ACVR2A: variants seen among roughly 807,000 people sequenced by gnomAD.
ACVR2A encodes the protein activin A receptor type 2A.
Under a neutral mutation model 61.4 loss-of-function variants are expected in ACVR2A, and 7 were observed. The observed-to-expected ratio is 0.11, with a 90% CI of 0.06 to 0.21. The LOEUF is 0.21. Among genes scored for constraint, ACVR2A ranks in the 10% least tolerant of loss-of-function variants. The probability of loss-of-function intolerance (pLI) is 1.00; values close to 1 mark genes in which losing one functional copy is unlikely to be tolerated. For missense variants in ACVR2A, 322 were observed against 621.7 expected, an observed-to-expected ratio of 0.52 and a Z score of 5.13; for synonymous variants, 193 against 208.3, an observed-to-expected ratio of 0.93 and a Z score of 0.63.
In ACVR2A at chr2:147,899,793, C is replaced by T; in HGVS notation, c.423C>T (p.Leu141=). 1 of 1,613,822 alleles carries T rather than the reference C, an allele frequency of 6.2e-7. No homozygotes were observed. Among genetic ancestry groups the T allele is most frequent in the Non-Finnish European group, 8.5e-7 (1 of 1,179,774 alleles). The change falls in exon 4 of 11, where the codon CTC becomes CTT. Residue 141 remains leucine, a synonymous_variant. Transcript: ENST00000241416. ...AGCCACCCTATTACAACATCCTGCTCTATTCCTTGGTGCCACTTATGTTAA... is the reference window on the plus strand; with the variant it reads ...AGCCACCCTATTACAACATCCTGCTTTATTCCTTGGTGCCACTTATGTTAA... The part of the protein sequence containing the change: ...TPKPPYYNIL[L]YSLVPLMLIA...
At chr2:147,924,133 G>A (rs1687447822) in intron 9 of ACVR2A, among the ~76,000 whole-genome samples, 2 of 152,170 alleles carry the variant, frequency 1.3e-5, no homozygotes, top group South Asian at 2.1e-4. Context: ...TTAGGAAGAA[G>A]CGTTAAGAAC....
chr2:147,877,196 G>A (rs1419261325), intron 1 of ACVR2A, among the ~76,000 whole-genome samples: 3 of 151,992 alleles, frequency 2.0e-5, no homozygotes, highest in Admixed American at 6.6e-5. Context: ...ATCTTTCAGT[G>A]GCCCACTAGT....
intron 1 of ACVR2A, among the ~76,000 whole-genome samples, chr2:147,885,760 T>A (rs999904335): frequency 1.3e-4 from 20 of 152,136 alleles, no homozygotes; most frequent in Non-Finnish European, 2.6e-4. Context: ...GTAGGTAAAG[T>A]TTGAATAAAG....
At chr2:147,920,047 C>T (rs557738591) in intron 7 of ACVR2A, among the ~76,000 whole-genome samples, 183 bp from the exon 8 acceptor site, 1 of 152,192 alleles carries the variant, frequency 6.6e-6, no homozygotes, top group East Asian at 1.9e-4. Context: ...GGGTTTGTCA[C>T]CGTGCTCTTG....
chr2:147,862,730 C>G (rs1364867358), intron 1 of ACVR2A, among the ~76,000 whole-genome samples: 1 of 148,922 alleles, frequency 6.7e-6, no homozygotes, highest in East Asian at 2.0e-4. Context: ...GGTGACAGAG[C>G]GAGACTCTGT....
chr2:147,896,599 C>T, intron 2 of ACVR2A, 91 bp downstream of exon 2: 1 of 1,238,266 alleles, frequency 8.1e-7, no homozygotes, highest in Non-Finnish European at 1.1e-6. Flanking sequence ...CATAAATTTT[C>T]ACTTAAATGT....
Position 147,924,298 on chromosome 2 carries a change from GAGACACA to G in ACVR2A, c.1216+1192_1216+1198del, listed in dbSNP as rs1307896543. ...CAAATCATTGGATTAAGTAATTTAG[GAGACACA>G]AGACCTTATTCTCAAGTAATATACA... On this transcript the variant is annotated intron_variant, in intron 9 of 10. Coordinates refer to ENST00000241416, the MANE Select transcript of ACVR2A (RefSeq NM_001616.5). 6.6e-5 allele frequency among the ~76,000 whole-genome samples: 10 copies of G among 152,056 alleles called. No individual in the cohort carries two copies. The East Asian group carries it at 1.4e-3, about 21-fold the overall frequency.
At chr2:147,905,974 C>A (rs1686980304) in intron 4 of ACVR2A, among the ~76,000 whole-genome samples, 1 of 152,206 alleles carries the variant, frequency 6.6e-6, no homozygotes, top group Non-Finnish European at 1.5e-5. Context: ...ATTTTGAAAT[C>A]TTGAGTTCAG....
intron 4 of ACVR2A, among the ~76,000 whole-genome samples, chr2:147,903,553 T>C (rs1686920485): frequency 6.6e-6 from 1 of 152,002 alleles, no homozygotes; most frequent in Non-Finnish European, 1.5e-5. Flanking sequence ...GTGCTTAAAA[T>C]ATGTGTGGGC....
chr2:147,846,569 G>C lies in ACVR2A; in HGVS notation c.55+1362G>C, dbSNP rs540349377. ...GGTGGGCTGAATGTGTTGTGAAATGGCGATCATTGCCAGAGATTAACCAAA... is the reference window on the plus strand; with the variant it reads ...GGTGGGCTGAATGTGTTGTGAAATGCCGATCATTGCCAGAGATTAACCAAA... On this transcript the variant is annotated intron_variant, in intron 1 of 10. Coordinates refer to ENST00000241416, the MANE Select transcript of ACVR2A (RefSeq NM_001616.5). Among the ~76,000 whole-genome samples, 4 of 152,188 alleles carry C rather than the reference G, an allele frequency of 2.6e-5. No individual in the cohort carries two copies. In the East Asian group the frequency reaches 7.7e-4, roughly 29 times the overall value.
intron 1 of ACVR2A, among the ~76,000 whole-genome samples, chr2:147,881,152 T>C (rs962844300): frequency 6.6e-6 from 1 of 152,216 alleles, no homozygotes; most frequent in Non-Finnish European, 1.5e-5. Context: ...AGCAAAGCAG[T>C]CCTAAATGTG....
In ACVR2A at chr2:147,928,822, A is replaced by G. The variant is rs1687571977; in HGVS notation, c.*1548A>G. The stretch of plus-strand genomic sequence containing the variant: ...ATACAGGCCAAAAAGTAAAACATTA[A>G]TTTTCTGAATTTCCAGATTACCAAT... On this transcript the variant is annotated 3_prime_UTR_variant, in exon 11 of 11. Coordinates refer to ENST00000241416, the MANE Select transcript of ACVR2A (RefSeq NM_001616.5). The G allele has an allele frequency of 6.6e-6, 1 of 152,358 alleles. No homozygotes were observed. Among genetic ancestry groups the G allele is most frequent in the South Asian group, 2.1e-4 (1 of 4,824 alleles). 9.4% of individuals were successfully genotyped at this position (152,358 alleles called of 1,614,324 possible).
chr2:147,888,125 G>A (rs1392422148), intron 1 of ACVR2A, among the ~76,000 whole-genome samples: 2 of 152,102 alleles, frequency 1.3e-5, no homozygotes, highest in Non-Finnish European at 2.9e-5. Flanking sequence ...CGAATTAGAC[G>A]TGTTTGTATG....
At chr2:147,897,897 A>G (rs1686779815) in intron 2 of ACVR2A, among the ~76,000 whole-genome samples, 1 of 152,204 alleles carries the variant, frequency 6.6e-6, no homozygotes, top group African/African-American at 2.4e-5. Context: ...ATGTGCTGTT[A>G]CGAAAGGTAC....
intron 1 of ACVR2A, among the ~76,000 whole-genome samples, chr2:147,884,300 G>A (rs951930073): frequency 4.6e-5 from 7 of 152,054 alleles, no homozygotes; most frequent in Non-Finnish European, 5.9e-5. Context: ...GTTAAAACTT[G>A]TATTTACTTG....
At chr2:147,854,860 T>A (rs1000316081) in intron 1 of ACVR2A, among the ~76,000 whole-genome samples, 2 of 152,056 alleles carry the variant, frequency 1.3e-5, no homozygotes, top group African/African-American at 4.8e-5. Context: ...TTATCACATA[T>A]CACATCTGTT....
intron 1 of ACVR2A, among the ~76,000 whole-genome samples, chr2:147,862,707 G>A (rs1387947751): frequency 1.3e-5 from 2 of 151,390 alleles, no homozygotes; most frequent in African/African-American, 4.9e-5. Flanking sequence ...TTGCGCCACT[G>A]CACTCCAGCC....
At chr2:147,848,188 A>G (rs1685359864) in intron 1 of ACVR2A, among the ~76,000 whole-genome samples, 1 of 152,232 alleles carries the variant, frequency 6.6e-6, no homozygotes, top group African/African-American at 2.4e-5. Context: ...TTTGTTTTCT[A>G]AAAGGCAGAA....
At chr2:147,895,737 C>T (rs1010611765) in intron 1 of ACVR2A, among the ~76,000 whole-genome samples, 2 of 152,048 alleles carry the variant, frequency 1.3e-5, no homozygotes, top group African/African-American at 4.8e-5. Flanking sequence ...TTTTCTTTAG[C>T]TTACTTTAGT....
Sources: gnomAD v4.1 joint callset for allele counts (sites outside exome capture counted in the v4.1 genomes callset) on GRCh38, gnomAD v4.1.1 for gene constraint, MANE v1.5 for transcripts, NCBI Gene and HGNC (gene_info 2026-07-23, HGNC 2026-07-21) for gene names.